BLTP2: variants seen among roughly 807,000 people sequenced by gnomAD.
BLTP2 encodes the protein bridge-like lipid transfer protein family member 2.
the BLTP2 span, among the ~76,000 whole-genome samples, chr17:28,644,521 C>T: frequency 1.3e-5 from 2 of 152,342 alleles, no homozygotes; most frequent in East Asian, 3.9e-4. Flanking sequence ...CATGTGCCAT[C>T]ACACTCCCCA....
the BLTP2 span, chr17:28,638,124 A>AAGT: frequency 6.2e-7 from 1 of 1,609,194 alleles, no homozygotes; most frequent in Non-Finnish European, 8.5e-7. Context: ...ATCCCATTAG[A>AAGT]AGTATGCAGG....
chr17:28,644,232 T>C, the BLTP2 span: 1 of 1,599,662 alleles, frequency 6.3e-7, no homozygotes, highest in Non-Finnish European at 8.5e-7. Flanking sequence ...TTTCCAATGA[T>C]GGTTTCCCTC....
the BLTP2 span, chr17:28,631,423 G>C: frequency 2.7e-6 from 4 of 1,502,982 alleles, no homozygotes; most frequent in Non-Finnish European, 3.7e-6. Context: ...AGCCCAAGTA[G>C]GCTGAGATAC....
At chr17:28,624,251 A>G in the BLTP2 span, 2 of 1,614,158 alleles carry the variant, frequency 1.2e-6, no homozygotes, top group Admixed American at 1.7e-5. Flanking sequence ...TGACCAATTC[A>G]ATAAGGCAGT....
chr17:28,634,773 C>T, the BLTP2 span: 5 of 1,613,952 alleles, frequency 3.1e-6, no homozygotes, highest in African/African-American at 6.7e-5. Context: ...TTTTGCGTTC[C>T]AAAGAGGCAT....
chr17:28,626,337 T>C, the BLTP2 span, among the ~76,000 whole-genome samples: 1 of 152,224 alleles, frequency 6.6e-6, no homozygotes, highest in South Asian at 2.1e-4. Context: ...CCTTAGTTAC[T>C]CTCTGTCTAC....
the BLTP2 span, chr17:28,642,777 C>T: frequency 1.3e-6 from 1 of 746,652 alleles, no homozygotes; most frequent in Non-Finnish European, 2.4e-6. Flanking sequence ...TCCAACTGCA[C>T]AGAATGAGAA....
the BLTP2 span, chr17:28,639,814 T>A: frequency 9.1e-5 from 139 of 1,530,468 alleles, no homozygotes; most frequent in Non-Finnish European, 1.2e-4. Context: ...ACACTGAGAT[T>A]AGATTAAGGA....
At chr17:28,644,896 A>C in the BLTP2 span, 10 of 1,037,350 alleles carry the variant, frequency 9.6e-6, no homozygotes, top group Non-Finnish European at 1.3e-5. Context: ...GCGCCTCAGT[A>C]AGGCGCGCGC....
the BLTP2 span, chr17:28,633,245 C>G: frequency 1.7e-5 from 27 of 1,598,578 alleles, no homozygotes; most frequent in Non-Finnish European, 2.3e-5. Context: ...AACCTGAGCC[C>G]CTCATCCCAT....
the BLTP2 span, chr17:28,619,656 G>A: frequency 4.3e-6 from 7 of 1,613,538 alleles, no homozygotes; most frequent in South Asian, 1.1e-5. Context: ...TGGGGCACCT[G>A]ATGAGGATAT....
At chr17:28,617,385 T>C in the BLTP2 span, 1 of 1,213,576 alleles carries the variant, frequency 8.2e-7, no homozygotes, top group Non-Finnish European at 1.2e-6. Flanking sequence ...AGACAATTGT[T>C]ATGTATCCAG....
At chr17:28,643,310 G>A in the BLTP2 span, 7 of 1,613,896 alleles carry the variant, frequency 4.3e-6, no homozygotes, top group Middle Eastern at 1.7e-4. Flanking sequence ...GCCACATAGT[G>A]TCTGCCCAGA....
At chr17:28,636,848 G>T in the BLTP2 span, 1 of 826,752 alleles carries the variant, frequency 1.2e-6, no homozygotes. Flanking sequence ...AGACCAGTCT[G>T]GGCAACATGT....
chr17:28,638,476 C>T, the BLTP2 span: 81 of 1,598,668 alleles, frequency 5.1e-5, 1 homozygote, highest in South Asian at 8.6e-4. Context: ...TTGGGCCTAG[C>T]TCCACTAACG....
At chr17:28,627,258 C>G in the BLTP2 span, among the ~76,000 whole-genome samples, 1 of 152,178 alleles carries the variant, frequency 6.6e-6, no homozygotes, top group South Asian at 2.1e-4. Context: ...TCCACTCCTA[C>G]TCAGATTATT....
chr17:28,644,947 C>G, the BLTP2 span: 1 of 1,520,830 alleles, frequency 6.6e-7, no homozygotes, highest in Non-Finnish European at 8.9e-7. Flanking sequence ...CCCCCTCCCT[C>G]CCGCCGCCGC....
chr17:28,638,467 T>C, the BLTP2 span: 1 of 1,599,554 alleles, frequency 6.3e-7, no homozygotes, highest in Non-Finnish European at 8.6e-7. Flanking sequence ...GGCCATCAAT[T>C]GGGCCTAGCT....
the BLTP2 span, chr17:28,617,324 A>C: frequency 6.2e-7 from 1 of 1,611,604 alleles, no homozygotes; most frequent in Non-Finnish European, 8.5e-7. Context: ...TTCACCTATA[A>C]AGACAGATTT....
Sources: gnomAD v4.1 joint callset for allele counts (sites outside exome capture counted in the v4.1 genomes callset) on GRCh38, gnomAD v4.1.1 for gene constraint, MANE v1.5 for transcripts, NCBI Gene and HGNC (gene_info 2026-07-23, HGNC 2026-07-21) for gene names.